ELAVL4: variants seen among roughly 807,000 people sequenced by gnomAD.
ELAVL4 encodes ELAV like RNA binding protein 4.
A neutral mutation model predicts 35.6 loss-of-function variants in ELAVL4; 1 was observed. The ratio of observed to expected loss-of-function variants is 0.03; its 90% CI spans 0.01 to 0.13. ELAVL4 has a LOEUF of 0.13. ELAVL4 is among the 10% of genes least tolerant of loss of function. The probability of loss-of-function intolerance (pLI) is 1.00; values close to 1 mark genes in which losing one functional copy is unlikely to be tolerated. For missense variants in ELAVL4, 267 were observed against 464.9 expected (o/e 0.57, Z 3.91); for synonymous variants, 156 against 171.0 (o/e 0.91, Z 0.69).
At chr1:50,127,158 G>A (rs148903090) in intron 1 of ELAVL4, among the ~76,000 whole-genome samples, 3 of 152,180 alleles carry the variant, frequency 2.0e-5, no homozygotes, top group South Asian at 2.1e-4. Context: ...CTATGTCCCC[G>A]TGTGCTCTGC....
At chr1:50,059,016 T>C (rs1269264218) in intron 1 of ELAVL4, among the ~76,000 whole-genome samples, 1 of 152,170 alleles carries the variant, frequency 6.6e-6, no homozygotes, top group Non-Finnish European at 1.5e-5. Context: ...CTAGAAATTA[T>C]CCTAGATTCA....
intron 3 of ELAVL4, chr1:50,180,377 T>C (rs538002436): frequency 6.6e-6 from 1 of 152,310 alleles, no homozygotes; most frequent in South Asian, 2.1e-4. Flanking sequence ...AATGCAAATA[T>C]TCCAAAATCT....
At chr1:50,182,213 A>G (rs1681145628) in intron 3 of ELAVL4, among the ~76,000 whole-genome samples, 1 of 152,234 alleles carries the variant, frequency 6.6e-6, no homozygotes. Context: ...TGTCACATTA[A>G]TCAGGAACAA....
chr1:50,136,812 G>C (rs1301509289), intron 1 of ELAVL4, among the ~76,000 whole-genome samples: 1 of 152,096 alleles, frequency 6.6e-6, no homozygotes. Flanking sequence ...GTGCAGTGAG[G>C]CTATATCTCC....
chr1:50,106,596 C>G (rs1666333853), upstream of ELAVL4, among the ~76,000 whole-genome samples: 1 of 152,106 alleles, frequency 6.6e-6, no homozygotes, highest in African/African-American at 2.4e-5. Context: ...TGTCACATCA[C>G]TGATGTAGCG....
At chr1:50,181,845 G>A (rs184848941) in intron 3 of ELAVL4, among the ~76,000 whole-genome samples, 5 of 152,208 alleles carry the variant, frequency 3.3e-5, no homozygotes, top group Non-Finnish European at 2.9e-5. Flanking sequence ...TACCACGCCC[G>A]GCTAATTTTG....
At chr1:50,189,628 G>A (rs189118215) in intron 3 of ELAVL4, among the ~76,000 whole-genome samples, 1 of 152,068 alleles carries the variant, frequency 6.6e-6, no homozygotes, top group Non-Finnish European at 1.5e-5. Context: ...TTTTTTGGGG[G>A]TTTTTTTCCG....
intron 2 of ELAVL4, among the ~76,000 whole-genome samples, chr1:50,171,250 G>T (rs1033566061): frequency 6.6e-6 from 1 of 152,096 alleles, no homozygotes; most frequent in Non-Finnish European, 1.5e-5. Flanking sequence ...AAGGAGAAGA[G>T]ACCCCCAGTG....
At chr1:50,116,763 C>G (rs1668029192) in intron 1 of ELAVL4, among the ~76,000 whole-genome samples, 1 of 151,996 alleles carries the variant, frequency 6.6e-6, no homozygotes, top group Non-Finnish European at 1.5e-5. Flanking sequence ...GAGTAAATGA[C>G]CAAGTCCCTG....
At chr1:50,194,815 A>G (rs1643924810) in intron 4 of ELAVL4, among the ~76,000 whole-genome samples, 1 of 152,184 alleles carries the variant, frequency 6.6e-6, no homozygotes, top group African/African-American at 2.4e-5. Flanking sequence ...AGGAGTTTGG[A>G]GGATGTTTCA....
intron 1 of ELAVL4, among the ~76,000 whole-genome samples, chr1:50,096,844 A>T (rs929048746): frequency 1.3e-5 from 2 of 152,170 alleles, no homozygotes; most frequent in Non-Finnish European, 2.9e-5. Flanking sequence ...TTTGGACTTA[A>T]TCAAGGTCCT....
rs1644442559 is a variant in ELAVL4, at chr1:50,202,908, T to C, written c.*1730T>C. ...AAACAACTGAGTCTTTATTTTAATG[T>C]AACTCAGATTGGGGAAAACAAAACA... On this transcript the variant is annotated 3_prime_UTR_variant, in exon 7 of 7. Coordinates refer to ENST00000371824, the MANE Select transcript of ELAVL4 (RefSeq NM_001144774.3). 1 of 152,208 alleles carries C rather than the reference T, an allele frequency of 6.6e-6. No individual in the cohort carries two copies. The highest frequency in any genetic ancestry group is 2.4e-5 in the African/African-American group (1 of 41,466). 9.4% of individuals were successfully genotyped at this position (152,208 alleles called of 1,614,324 possible).
chr1:50,177,038 C>T (rs77355538), intron 2 of ELAVL4, 51 bp from the exon 3 acceptor site: 23 of 1,478,288 alleles, frequency 1.6e-5, no homozygotes, highest in Non-Finnish European at 2.2e-5. Context: ...CTCTCTTTCT[C>T]TCTGTCTGTC....
rs554022216 is a variant in ELAVL4, at chr1:50,173,287, G to C, written c.251-3802G>C. ...GAGGAGACATTGTGTATTTGTGTGT[G>C]TGCCTATGTGCCTATGCTTTATAAA... On this transcript the variant is annotated intron_variant, in intron 2 of 6. Coordinates refer to ENST00000371824, the MANE Select transcript of ELAVL4 (RefSeq NM_001144774.3). 8.1e-4 allele frequency among the ~76,000 whole-genome samples: 123 copies of C among 152,308 alleles called. 1 individual carries two copies. Among genetic ancestry groups the C allele is most frequent in the African/African-American group, 2.9e-3 (119 of 41,574 alleles).
intron 3 of ELAVL4, 143 bp from the exon 4 acceptor site, chr1:50,193,622 T>TA: frequency 1.0e-6 from 1 of 1,002,602 alleles, no homozygotes; most frequent in Non-Finnish European, 1.4e-6. Flanking sequence ...CAAGGGTAGC[T>TA]AAAAATCTGA....
At chr1:50,166,737 C>G (rs1033744986) in intron 2 of ELAVL4, among the ~76,000 whole-genome samples, 4 of 152,168 alleles carry the variant, frequency 2.6e-5, no homozygotes, top group Non-Finnish European at 5.9e-5. Context: ...CTCCTGTATT[C>G]CATGTATATT....
At chr1:50,052,199 A>C (rs1046475709) in intron 1 of ELAVL4, among the ~76,000 whole-genome samples, 24 of 152,356 alleles carry the variant, frequency 1.6e-4, no homozygotes, top group Admixed American at 1.4e-3. Context: ...AAAATAATTC[A>C]GCATGCAGAA....
chr1:50,180,567 C>G (rs916860311), intron 3 of ELAVL4: 1 of 152,176 alleles, frequency 6.6e-6, no homozygotes, highest in Non-Finnish European at 1.5e-5. Flanking sequence ...CAGAAGCATG[C>G]AATCTAGGCA....
chr1:50,179,117 C>A (rs1449124754), intron 3 of ELAVL4, among the ~76,000 whole-genome samples: 2 of 152,066 alleles, frequency 1.3e-5, no homozygotes, highest in South Asian at 2.1e-4. Context: ...TGATTATTTT[C>A]TTTCTGTAAA....
Sources: gnomAD v4.1 joint callset for allele counts (sites outside exome capture counted in the v4.1 genomes callset) on GRCh38, gnomAD v4.1.1 for gene constraint, MANE v1.5 for transcripts, NCBI Gene and HGNC (gene_info 2026-07-23, HGNC 2026-07-21) for gene names.